CNTNAP5: variants seen among roughly 807,000 people sequenced by gnomAD.
CNTNAP5 encodes contactin-associated protein-like 5.
Under a neutral mutation model 150.2 loss-of-function variants are expected in CNTNAP5, and 72 were observed. That is an observed-to-expected ratio of 0.48 (90% CI 0.40 to 0.58). The LOEUF (loss-of-function observed/expected upper bound fraction) is 0.58. CNTNAP5 is among the 20% of genes least tolerant of loss of function. CNTNAP5 has a pLI of 0.00. For missense variants in CNTNAP5, 1,636 were observed against 1,626.2 expected, an observed-to-expected ratio of 1.01 and a Z score of -0.10; for synonymous variants, 672 against 619.8, an observed-to-expected ratio of 1.08 and a Z score of -1.25.
intron 13 of CNTNAP5, among the ~76,000 whole-genome samples, chr2:124,660,781 A>T (rs1678571218): frequency 6.6e-6 from 1 of 151,864 alleles, no homozygotes; most frequent in Non-Finnish European, 1.5e-5. Flanking sequence ...AATACAAGAC[A>T]AAAGATACAA....
At chr2:124,084,952 C>T (rs1443300955) in intron 1 of CNTNAP5, among the ~76,000 whole-genome samples, 10 of 11,324 alleles carry the variant, frequency 8.8e-4, no homozygotes, top group Admixed American at 5.5e-3. Context: ...GACGGAGTCT[C>T]GCTTTGTTGC....
At chr2:124,424,614 A>T (rs1692195631) in intron 4 of CNTNAP5, among the ~76,000 whole-genome samples, 1 of 152,188 alleles carries the variant, frequency 6.6e-6, no homozygotes, top group African/African-American at 2.4e-5. Flanking sequence ...GAATAACAAC[A>T]CTAAAATAAA....
intron 1 of CNTNAP5, among the ~76,000 whole-genome samples, chr2:124,191,537 AG>A (rs1685457026): frequency 6.6e-6 from 1 of 152,214 alleles, no homozygotes; most frequent in Admixed American, 6.5e-5. Flanking sequence ...GAGACAAGTC[AG>A]TTGCCAAATA....
chr2:124,500,433 CA>C (rs1182476214), intron 7 of CNTNAP5, among the ~76,000 whole-genome samples: 1 of 152,010 alleles, frequency 6.6e-6, no homozygotes, highest in Non-Finnish European at 1.5e-5. Context: ...GGGTGGGGGT[CA>C]GGGAATGGAA....
chr2:124,174,282 T>C (rs1341657077), intron 1 of CNTNAP5, among the ~76,000 whole-genome samples: 3 of 152,202 alleles, frequency 2.0e-5, no homozygotes, highest in Non-Finnish European at 4.4e-5. Context: ...TTTCAAGTCT[T>C]ATTATTTAAA....
chr2:124,029,714 T>G (rs912637072), intron 1 of CNTNAP5, among the ~76,000 whole-genome samples: 1 of 152,104 alleles, frequency 6.6e-6, no homozygotes, highest in African/African-American at 2.4e-5. Flanking sequence ...CGGTTTCCCT[T>G]TACTGAATCA....
At chr2:124,512,671 T>C (rs1483748084) in intron 8 of CNTNAP5, among the ~76,000 whole-genome samples, 2 of 152,210 alleles carry the variant, frequency 1.3e-5, no homozygotes, top group Non-Finnish European at 2.9e-5. Flanking sequence ...CATTTCACTC[T>C]TTCGATAATT....
chr2:124,521,315 C>G (rs1318556854), intron 8 of CNTNAP5, among the ~76,000 whole-genome samples: 3 of 152,182 alleles, frequency 2.0e-5, no homozygotes, highest in Non-Finnish European at 4.4e-5. Flanking sequence ...ACTTTTCACC[C>G]AGGCTCCCAC....
chr2:124,434,365 A>C lies in CNTNAP5; in HGVS notation c.530-119A>C, dbSNP rs1045113670. 8 of 771,368 alleles carry C rather than the reference A, an allele frequency of 1.0e-5. No homozygotes were observed. The African/African-American group carries it at 1.4e-4, about 13-fold the overall frequency. 47.8% of individuals were successfully genotyped at this position (771,368 alleles called of 1,614,324 possible). On this transcript the variant is annotated intron_variant, in intron 4 of 23. Coordinates refer to ENST00000682447, the MANE Select transcript of CNTNAP5 (RefSeq NM_001367498.1). ...AGTCTACATGTTTCCTGTTGAGACT[A>C]GACCTGGCAGATCTCAAGAACATTT...
intron 7 of CNTNAP5, among the ~76,000 whole-genome samples, chr2:124,490,873 T>C (rs184409699): frequency 2.0e-5 from 3 of 151,940 alleles, no homozygotes; most frequent in Non-Finnish European, 4.4e-5. Context: ...TTAAAAAAAA[T>C]TTTTTTTAAA....
At chr2:124,632,145 A>G (rs113085279) in intron 12 of CNTNAP5, among the ~76,000 whole-genome samples, 77,425 of 151,944 alleles carry the variant, frequency 0.51, 21,124 homozygotes, top group Non-Finnish European at 0.62. Flanking sequence ...ACAGTGTGGC[A>G]ATTCCTCAAA....
intron 11 of CNTNAP5, among the ~76,000 whole-genome samples, chr2:124,593,927 A>G (rs1696761524): frequency 2.2e-5 from 2 of 91,432 alleles, no homozygotes; most frequent in Non-Finnish European, 4.3e-5. Context: ...GGCTGCATAA[A>G]TGTCTTCTTT....
chr2:124,679,064 C>T (rs1383281228), intron 13 of CNTNAP5, among the ~76,000 whole-genome samples: 2 of 151,932 alleles, frequency 1.3e-5, no homozygotes, highest in Non-Finnish European at 2.9e-5. Context: ...GTCAGCTCCA[C>T]CCATATCTTC....
At chr2:124,284,593 C>T (rs932539022) in intron 3 of CNTNAP5, among the ~76,000 whole-genome samples, 2 of 151,968 alleles carry the variant, frequency 1.3e-5, no homozygotes, top group African/African-American at 4.8e-5. Context: ...GCACATCCTG[C>T]ACATGTATCC....
At chr2:124,747,610 T>G (rs7577155) in intron 14 of CNTNAP5, among the ~76,000 whole-genome samples, 3,077 of 128,188 alleles carry the variant, frequency 0.024, 113 homozygotes, top group African/African-American at 0.079. Flanking sequence ...AGCTGCTGCT[T>G]CTTCTTTTTT....
intron 19 of CNTNAP5, among the ~76,000 whole-genome samples, chr2:124,852,635 T>G (rs1307476182): frequency 6.6e-6 from 1 of 152,234 alleles, no homozygotes; most frequent in African/African-American, 2.4e-5. Flanking sequence ...ATGCTTATTT[T>G]GACTGCTGTG....
intron 7 of CNTNAP5, among the ~76,000 whole-genome samples, chr2:124,501,082 A>T (rs931814211): frequency 8.5e-5 from 13 of 152,150 alleles, no homozygotes; most frequent in Non-Finnish European, 1.5e-4. Flanking sequence ...GAAAAAAAGG[A>T]CCCATGGCAG....
intron 19 of CNTNAP5, among the ~76,000 whole-genome samples, chr2:124,845,974 T>TTTGTTGTTG (rs59282495): frequency 1.3e-5 from 2 of 151,598 alleles, no homozygotes; most frequent in African/African-American, 4.9e-5. Flanking sequence ...TTTTGTCATT[T>TTTGTTGTTG]TTGTTGTTGT....
At chr2:124,096,221 C>T (rs1219587255) in intron 1 of CNTNAP5, among the ~76,000 whole-genome samples, 5 of 152,020 alleles carry the variant, frequency 3.3e-5, no homozygotes, top group East Asian at 3.8e-4. Flanking sequence ...TCTTTAGTTC[C>T]CATTTGTGCT....
Sources: gnomAD v4.1 joint callset for allele counts (sites outside exome capture counted in the v4.1 genomes callset) on GRCh38, gnomAD v4.1.1 for gene constraint, MANE v1.5 for transcripts, NCBI Gene and HGNC (gene_info 2026-07-23, HGNC 2026-07-21) for gene names.